Variants in FRY observed in about 807,000 individuals in gnomAD.
FRY encodes FRY microtubule binding protein.
Under a neutral mutation model 348.4 loss-of-function variants are expected in FRY, and 128 were observed. The observed-to-expected ratio is 0.37, with a 90% CI of 0.32 to 0.43. The LOEUF (loss-of-function observed/expected upper bound fraction) is 0.43. FRY is among the 20% of genes least tolerant of loss of function. The pLI is 1.00. For synonymous variants in FRY, 1,370 were observed against 1,374.7 expected (o/e 1.00, Z 0.08); for missense variants, 2,736 against 3,695.2 (o/e 0.74, Z 6.73).
At chr13:32,221,570 T>A (rs1387090879) in intron 36 of FRY, among the ~76,000 whole-genome samples, 1 of 152,238 alleles carries the variant, frequency 6.6e-6, no homozygotes, top group East Asian at 1.9e-4. Flanking sequence ...TATAGTGCAA[T>A]GTCACGATCT....
chr13:32,126,551 C>G (rs1879031227), intron 7 of FRY, among the ~76,000 whole-genome samples: 1 of 152,166 alleles, frequency 6.6e-6, no homozygotes, highest in Admixed American at 6.5e-5. Flanking sequence ...TAAGAAATGC[C>G]TCCATTTGGA....
Position 32,296,608 on chromosome 13 carries a change from T to C in FRY, c.*1148T>C, listed in dbSNP as rs1478205698. On this transcript the variant is annotated 3_prime_UTR_variant, in exon 61 of 61. Transcript: ENST00000542859. ...TTGATATTCTGTTCAGAACTTTCTT[T>C]AGACTAAAAAAAAAAAAAAAGACAA... 1.1e-5 allele frequency: 1 copy of C among 94,018 alleles called. No individual in the cohort carries two copies. Among genetic ancestry groups the C allele is most frequent in the Non-Finnish European group, 2.4e-5 (1 of 41,920 alleles). 5.8% of individuals were successfully genotyped at this position (94,018 alleles called of 1,614,324 possible).
chr13:32,141,504 C>G (rs1880068821), intron 11 of FRY, among the ~76,000 whole-genome samples: 1 of 152,182 alleles, frequency 6.6e-6, no homozygotes, highest in South Asian at 2.1e-4. Context: ...CTCACTAGGT[C>G]TTTACCTTAA....
chr13:32,212,335 T>C lies in FRY; in HGVS notation c.4635T>C (p.Asn1545=), dbSNP rs142950479. ...ATACAGTGGTTGCTGGCCAGGAAAA[T>C]TTCCCAGATGCTGAGGAGAACAAGA... is the stretch of plus-strand genomic sequence containing the variant. ...SSNTVVAGQE[N]FPDAEENKIL... The change falls in exon 35 of 61, where the codon AAT becomes AAC. Residue 1545 remains asparagine (N), a synonymous_variant. Coordinates refer to ENST00000542859, the MANE Select transcript of FRY (RefSeq NM_023037.3). 2.6e-4 allele frequency: 420 copies of C among 1,611,310 alleles called. 4 individuals are homozygous for C. The East Asian group carries it at 8.7e-3, about 33-fold the overall frequency.
chr13:32,276,545 A>G lies in FRY; in HGVS notation c.8368A>G (p.Lys2790Glu), dbSNP rs373478773. The G allele has an allele frequency of 2.4e-5, 38 of 1,575,092 alleles. No homozygotes were observed. The highest frequency in any genetic ancestry group is 3.3e-5 in the Admixed American group (2 of 59,962). The change falls in exon 57 of 61, where the codon AAA becomes GAA. Residue 2790 changes from lysine (K) to glutamate (E), a missense_variant. Transcript: ENST00000542859. ...ATATTTGGATACCTACAACAACAGG[A>G]AAGAGGCCACACTCTCTGTAAGCTT... is the stretch of plus-strand genomic sequence containing the variant. ...QEYLDTYNNRKEATLSWLANC... is the reference protein window; with the variant it reads ...QEYLDTYNNREEATLSWLANC...
chr13:32,149,345 A>T (rs1880655472), intron 13 of FRY, among the ~76,000 whole-genome samples: 2 of 152,032 alleles, frequency 1.3e-5, no homozygotes, highest in Admixed American at 1.3e-4. Context: ...AGAGAATAGA[A>T]AAAAATGATC....
At chr13:32,078,479 A>G (rs1875255851) in intron 1 of FRY, among the ~76,000 whole-genome samples, 1 of 152,136 alleles carries the variant, frequency 6.6e-6, no homozygotes, top group Non-Finnish European at 1.5e-5. Flanking sequence ...TTTCCCATAT[A>G]TGTTTTCTAC....
At chr13:32,189,914 A>G (rs1031963621) in intron 28 of FRY, among the ~76,000 whole-genome samples, 1 of 152,088 alleles carries the variant, frequency 6.6e-6, no homozygotes, top group Non-Finnish European at 1.5e-5. Flanking sequence ...ATAAAATATT[A>G]GAAAATTGAA....
chr13:32,170,391 A>C (rs190010053), intron 17 of FRY, among the ~76,000 whole-genome samples: 2 of 152,330 alleles, frequency 1.3e-5, no homozygotes, highest in Non-Finnish European at 2.9e-5. Context: ...GCTTCATCTC[A>C]ATATTAAGTT....
At chr13:32,181,297 A>G (rs1024352381) in intron 23 of FRY, among the ~76,000 whole-genome samples, 2 of 152,064 alleles carry the variant, frequency 1.3e-5, no homozygotes, top group Non-Finnish European at 2.9e-5. Flanking sequence ...AATATCATAT[A>G]GAAATACAAG....
At chr13:32,262,279 C>G (rs761336872) in intron 52 of FRY, 35 bp from the exon 53 acceptor site, 1 of 1,566,300 alleles carries the variant, frequency 6.4e-7, no homozygotes, top group Non-Finnish European at 8.8e-7. Flanking sequence ...ATGGGAACTT[C>G]ATACTATGTT....
intron 29 of FRY, among the ~76,000 whole-genome samples, chr13:32,194,745 A>G (rs2138300067): frequency 6.6e-6 from 1 of 152,340 alleles, no homozygotes; most frequent in East Asian, 1.9e-4. Flanking sequence ...AGAAAATGTG[A>G]TACCAAAGGT....
rs1316841515 is a variant in FRY, at chr13:32,119,120, T to A, written c.464+1647T>A. ...CAGATAAAGAATCAGGACAGTAAAA[T>A]TTGACTTAGTAGCATTTTAGTTAAT... On this transcript the variant is annotated intron_variant, in intron 4 of 60. Transcript: ENST00000542859. Among the ~76,000 whole-genome samples the A allele has an allele frequency of 2.0e-5, 3 of 152,292 alleles. No individual in the cohort carries two copies. In the East Asian group the frequency reaches 5.8e-4, roughly 29 times the overall value.
intron 1 of FRY, among the ~76,000 whole-genome samples, chr13:32,051,367 A>G (rs1027194660): frequency 1.6e-4 from 25 of 152,220 alleles, no homozygotes; most frequent in African/African-American, 6.0e-4. Context: ...ATGACTGGCA[A>G]GAGCAGATGG....
At chr13:32,253,929 TTACACACACACACACA>T (rs986708607) in intron 50 of FRY, among the ~76,000 whole-genome samples, 2 of 145,254 alleles carry the variant, frequency 1.4e-5, no homozygotes, top group African/African-American at 5.1e-5. Context: ...CTGCTCCAGT[TTACACACACACACACA>T]TACACACACA....
chr13:32,180,466 C>T (rs1302883426), intron 23 of FRY, among the ~76,000 whole-genome samples: 1 of 152,168 alleles, frequency 6.6e-6, no homozygotes, highest in Non-Finnish European at 1.5e-5. Flanking sequence ...AACTTCTGAC[C>T]TCAAGTGATC....
chr13:32,079,643 T>C (rs1875346621), intron 2 of FRY, among the ~76,000 whole-genome samples: 1 of 152,206 alleles, frequency 6.6e-6, no homozygotes, highest in African/African-American at 2.4e-5. Flanking sequence ...CAGATGCTTC[T>C]GCTAGAAAAT....
chr13:32,120,377 A>C (rs1878577999), intron 4 of FRY, among the ~76,000 whole-genome samples: 1 of 152,006 alleles, frequency 6.6e-6, no homozygotes, highest in Non-Finnish European at 1.5e-5. Flanking sequence ...ATGAGCCCTC[A>C]ATCAGTGTGT....
At chr13:32,251,143 A>C (rs1309172713) in intron 49 of FRY, among the ~76,000 whole-genome samples, 1 of 152,222 alleles carries the variant, frequency 6.6e-6, no homozygotes, top group African/African-American at 2.4e-5. Flanking sequence ...CATTTTAAAG[A>C]GATTAGGAAG....
Sources: gnomAD v4.1 joint callset for allele counts (sites outside exome capture counted in the v4.1 genomes callset) on GRCh38, gnomAD v4.1.1 for gene constraint, MANE v1.5 for transcripts, NCBI Gene and HGNC (gene_info 2026-07-23, HGNC 2026-07-21) for gene names.